Variants in VPS33B observed in about 807,000 individuals in gnomAD.
The protein encoded by VPS33B is VPS33B late endosome and lysosome associated, also known as vacuolar protein sorting-associated protein 33B.
In VPS33B, 80 loss-of-function variants were observed where a neutral mutation model predicts 95.3. The ratio of observed to expected loss-of-function variants is 0.84; its 90% confidence interval spans 0.70 to 1.01. The LOEUF (loss-of-function observed/expected upper bound fraction) is 1.01. Ranked by LOEUF, VPS33B falls within the 50% of genes least tolerant of loss-of-function variation. The pLI, the probability that VPS33B is intolerant of heterozygous loss-of-function variation, is 0.00. For missense variants in VPS33B, 715 were observed against 773.4 expected, an observed-to-expected ratio of 0.92 and a Z score of 0.90; for synonymous variants, 280 against 280.4, an observed-to-expected ratio of 1.00 and a Z score of 0.01.
chr15:91,007,608 CA>C lies in VPS33B; in HGVS notation c.499-36del, dbSNP rs1375319192. ...CCACACAAGCCACAAAGATATGAATCAACCCAGTAGGACCACCTGGAAAGTG... is the reference window on the plus strand; with the variant it reads ...CCACACAAGCCACAAAGATATGAATCACCCAGTAGGACCACCTGGAAAGTG... On this transcript the variant is annotated intron_variant, in intron 7 of 22. Coordinates refer to ENST00000333371, the MANE Select transcript of VPS33B (RefSeq NM_018668.5). The surrounding 1 kb of genome is among the most constrained non-coding windows in gnomAD (Gnocchi z 5.3). The C allele has an allele frequency of 6.2e-7, 1 of 1,608,758 alleles. No individual in the cohort carries two copies. Among genetic ancestry groups the C allele is most frequent in the Admixed American group, 1.7e-5 (1 of 60,008 alleles).
In VPS33B at chr15:91,010,253, C is replaced by A. The variant is rs1257168689; in HGVS notation, c.358-407G>T. ...TCTGTTTAGGACATGCCCACGGGAC[C>A]TTGGGAGACACAGACAAGGACTTGG... On this transcript the variant is annotated intron_variant, in intron 5 of 22. Coordinates refer to ENST00000333371, the MANE Select transcript of VPS33B (RefSeq NM_018668.5). This position sits in a 1 kb window ranked among gnomAD's most constrained non-coding sequence, Gnocchi z 5.7. Among the ~76,000 whole-genome samples the A allele has an allele frequency of 6.6e-6, 1 of 152,126 alleles. No individual in the cohort carries two copies. Among genetic ancestry groups the A allele is most frequent in the African/African-American group, 2.4e-5 (1 of 41,434 alleles).
Position 91,007,719 on chromosome 15 carries a change from G to A in VPS33B, c.499-146C>T. 1.7e-6 allele frequency: 2 copies of A among 1,172,592 alleles called. No individual in the cohort carries two copies. Among genetic ancestry groups the A allele is most frequent in the Non-Finnish European group, 2.6e-6 (2 of 783,412 alleles). The allele number at this position is 1,172,592 out of a possible 1,614,324, so 72.6% of individuals were successfully genotyped here. A position where few individuals can be genotyped will look rare whatever the true frequency, so the allele number is the denominator to read the frequency against. ...CATTGGCTCCACAGGAAGTCCCACA[G>A]AGACCAATCTGTAGCACTCAATCAC... On this transcript the variant is annotated intron_variant, in intron 7 of 22. Coordinates refer to ENST00000333371, the MANE Select transcript of VPS33B (RefSeq NM_018668.5). This position sits in a 1 kb window ranked among gnomAD's most constrained non-coding sequence, Gnocchi z 5.3.
Position 91,005,655 on chromosome 15 carries a change from A to G in VPS33B, c.1030+39T>C, listed in dbSNP as rs2040580425. Reference sequence around the variant, plus strand: ...CCTCTGGAGCTTTCCCCAGAGGGACACAGTCACTTCCCCTCACGCCCCTCA... The same window carrying G: ...CCTCTGGAGCTTTCCCCAGAGGGACGCAGTCACTTCCCCTCACGCCCCTCA... On this transcript the variant is annotated intron_variant, in intron 13 of 22. Coordinates refer to ENST00000333371, the MANE Select transcript of VPS33B (RefSeq NM_018668.5). This position sits in a 1 kb window ranked among gnomAD's most constrained non-coding sequence, Gnocchi z 6.4. The G allele has an allele frequency of 3.7e-6, 6 of 1,611,812 alleles. No homozygotes were observed. Among genetic ancestry groups the G allele is most frequent in the Non-Finnish European group, 4.2e-6 (5 of 1,177,892 alleles).
Position 91,013,507 on chromosome 15 carries a change from A to G in VPS33B, c.357+297T>C, listed in dbSNP as rs1200131953. Among the ~76,000 whole-genome samples, 1 of 152,134 alleles carries G rather than the reference A, an allele frequency of 6.6e-6. No individual in the cohort carries two copies. The highest frequency in any genetic ancestry group is 2.4e-5 in the African/African-American group (1 of 41,430). On this transcript the variant is annotated intron_variant, in intron 5 of 22. Transcript: ENST00000333371. This position sits in a 1 kb window ranked among gnomAD's most constrained non-coding sequence, Gnocchi z 4.5. ...GTCCTTATGGCAGGAGTGGGTTGCT[A>G]TAAGGCGAGTCCAGCCCCTGGGTGT...
Position 91,000,400 on chromosome 15 carries a change from TAAAAAA to T in VPS33B, c.1581+84_1581+89del. On this transcript the variant is annotated intron_variant, in intron 20 of 22. Coordinates refer to ENST00000333371, the MANE Select transcript of VPS33B (RefSeq NM_018668.5). The surrounding 1 kb of genome is among the most constrained non-coding windows in gnomAD (Gnocchi z 4.9). ...TGACAGAGCAAGACTCCATCTCAAA[TAAAAAA>T]AAAAAAACATTGAGACACGCCAGGG... 2.9e-6 allele frequency: 3 copies of T among 1,029,594 alleles called. No individual in the cohort carries two copies. Among genetic ancestry groups the T allele is most frequent in the Non-Finnish European group, 4.1e-6 (3 of 733,998 alleles). The allele number at this position is 1,029,594 out of a possible 1,614,324, so 63.8% of individuals were successfully genotyped here.
At position 91,015,291 on chromosome 15, in the gene VPS33B, G is replaced by A. The variant is rs538539326; in HGVS notation, c.240-858C>T. Among the ~76,000 whole-genome samples the A allele has an allele frequency of 3.3e-5, 5 of 152,094 alleles. No homozygotes were observed. Among genetic ancestry groups the A allele is most frequent in the African/African-American group, 4.8e-5 (2 of 41,466 alleles). ...GTGGAGGTTACAGTGAGCCCAGATC[G>A]CGCCATTGCTCTCCAGCCTGGATGA... On this transcript the variant is annotated intron_variant, in intron 3 of 22. Coordinates refer to ENST00000333371, the MANE Select transcript of VPS33B (RefSeq NM_018668.5). This position sits in a 1 kb window ranked among gnomAD's most constrained non-coding sequence, Gnocchi z 4.7.
At position 91,013,872 on chromosome 15, in the gene VPS33B, C is replaced by G; in HGVS notation, c.290-1G>C. The stretch of plus-strand genomic sequence containing the variant: ...GCCAATTTGTCAGCATTGACAAGAC[C>G]TACAGAGAGAAGGAATGCAGCCCAG... On this transcript the variant is annotated splice_acceptor_variant, in intron 4 of 22. Transcript: ENST00000333371. LOFTEE classifies it high-confidence loss of function. The surrounding 1 kb of genome is among the most constrained non-coding windows in gnomAD (Gnocchi z 4.5). 6.2e-7 allele frequency: 1 copy of G among 1,614,034 alleles called. No individual in the cohort carries two copies. The highest frequency in any genetic ancestry group is 8.5e-7 in the Non-Finnish European group (1 of 1,179,954).
chr15:91,013,778 C>A lies in VPS33B; in HGVS notation c.357+26G>T. ...GTCCTCAGTCCTGTTCTACCTTATC[C>A]CACTTCCTCCAGGATCCAAACTCAC... On this transcript the variant is annotated intron_variant, in intron 5 of 22. Coordinates refer to ENST00000333371, the MANE Select transcript of VPS33B (RefSeq NM_018668.5). This position sits in a 1 kb window ranked among gnomAD's most constrained non-coding sequence, Gnocchi z 4.5. 6.2e-7 allele frequency: 1 copy of A among 1,613,916 alleles called. No homozygotes were observed. The highest frequency in any genetic ancestry group is 8.5e-7 in the Non-Finnish European group (1 of 1,179,850).
At chr15:91,017,696 TA>T in intron 2 of VPS33B, 108 bp downstream of exon 2, 1 of 1,050,730 alleles carries the variant, frequency 9.5e-7, no homozygotes. Context: ...CCAATTAAGC[TA>T]CCCTATATTT....
rs1184158511 is a variant in VPS33B, at chr15:91,015,274, T to G, written c.240-841A>C. Among the ~76,000 whole-genome samples the G allele has an allele frequency of 6.6e-6, 1 of 151,764 alleles. No homozygotes were observed. Among genetic ancestry groups the G allele is most frequent in the East Asian group, 1.9e-4 (1 of 5,196 alleles). On this transcript the variant is annotated intron_variant, in intron 3 of 22. Transcript: ENST00000333371. This position sits in a 1 kb window ranked among gnomAD's most constrained non-coding sequence, Gnocchi z 4.7. The stretch of plus-strand genomic sequence containing the variant: ...TCGCTTGAACCCAGGAGGTGGAGGT[T>G]ACAGTGAGCCCAGATCGCGCCATTG...
rs2040849434 is a variant in VPS33B at position 91,013,926 on chromosome 15, A to C, written c.290-55T>G. 6 of 1,605,404 alleles carry C rather than the reference A, an allele frequency of 3.7e-6. No individual in the cohort carries two copies. The South Asian group carries it at 6.6e-5, about 18-fold the overall frequency. On this transcript the variant is annotated intron_variant, in intron 4 of 22. Transcript: ENST00000333371. This position sits in a 1 kb window ranked among gnomAD's most constrained non-coding sequence, Gnocchi z 4.5. ...GTCATGGGCCATCTGTTATGCTAGA[A>C]ACAGGGAAGCTGCCGGGCACAGTGG...
rs111471528 is a variant in VPS33B at position 91,007,747 on chromosome 15, C to A, written c.498+123G>T. 5.2e-6 allele frequency: 6 copies of A among 1,164,698 alleles called. No homozygotes were observed. The highest frequency in any genetic ancestry group is 1.5e-5 in the African/African-American group (1 of 66,322). 72.1% of individuals were successfully genotyped at this position (1,164,698 alleles called of 1,614,324 possible). ...ACCAATCTGTAGCACTCAATCACCA[C>A]ATCACTATCACTTGTGATAAATTAC... On this transcript the variant is annotated intron_variant, in intron 7 of 22. Transcript: ENST00000333371. The surrounding 1 kb of genome is among the most constrained non-coding windows in gnomAD (Gnocchi z 5.3).
At position 91,006,761 on chromosome 15, in the gene VPS33B, T is replaced by C. The variant is rs1160109041; in HGVS notation, c.701-32A>G. 6.2e-7 allele frequency: 1 copy of C among 1,613,722 alleles called. No individual in the cohort carries two copies. Among genetic ancestry groups the C allele is most frequent in the African/African-American group, 1.3e-5 (1 of 75,030 alleles). ...CAGAGATCCCTGACCATGAAGGTTC[T>C]CCCTGACCCAGCCTTCTACACAGCA... On this transcript the variant is annotated intron_variant, in intron 9 of 22. Coordinates refer to ENST00000333371, the MANE Select transcript of VPS33B (RefSeq NM_018668.5). This position sits in a 1 kb window ranked among gnomAD's most constrained non-coding sequence, Gnocchi z 5.4.
intron 1 of VPS33B, among the ~76,000 whole-genome samples, chr15:91,019,866 C>T (rs772365360): frequency 1.3e-5 from 2 of 151,108 alleles, no homozygotes; most frequent in Non-Finnish European, 2.9e-5. Context: ...AGTGCAATGA[C>T]GCGATCTCGG....
Position 91,006,136 on chromosome 15 carries a change from G to A in VPS33B, c.853-77C>T. Reference sequence around the variant, plus strand: ...GCAGTAGAATGACAGTACAGGAAGGGTACTCAGGTGTTCTGGCAGAAATAC... The same window carrying A: ...GCAGTAGAATGACAGTACAGGAAGGATACTCAGGTGTTCTGGCAGAAATAC... On this transcript the variant is annotated intron_variant, in intron 11 of 22. Coordinates refer to ENST00000333371, the MANE Select transcript of VPS33B (RefSeq NM_018668.5). The surrounding 1 kb of genome is among the most constrained non-coding windows in gnomAD (Gnocchi z 5.4). 3 of 1,516,456 alleles carry A rather than the reference G, an allele frequency of 2.0e-6. No homozygotes were observed. The highest frequency in any genetic ancestry group is 2.7e-6 in the Non-Finnish European group (3 of 1,098,550). The allele number at this position is 1,516,456 out of a possible 1,614,324, so 93.9% of individuals were successfully genotyped here. A position where few individuals can be genotyped will look rare whatever the true frequency, so the allele number is the denominator to read the frequency against.
chr15:91,005,698 A>G lies in VPS33B; in HGVS notation c.1026T>C (p.Ser342=), dbSNP rs1214004913. 6.2e-7 allele frequency: 1 copy of G among 1,614,002 alleles called. No homozygotes were observed. The highest frequency in any genetic ancestry group is 2.2e-5 in the East Asian group (1 of 44,878). The change falls in exon 13 of 23, where the codon AGT becomes AGC. Residue 342 remains serine (S), a synonymous_variant. Coordinates refer to ENST00000333371, the MANE Select transcript of VPS33B (RefSeq NM_018668.5). The surrounding 1 kb of genome is among the most constrained non-coding windows in gnomAD (Gnocchi z 6.4). ...KGLKQEHRLL[S]LHIGACESIM... ...GCCCCTCAAGCTGAAACCTACGGAGACTCAGCAGGCGGTGCTCCTGTTTCA... is the reference window on the plus strand; with the variant it reads ...GCCCCTCAAGCTGAAACCTACGGAGGCTCAGCAGGCGGTGCTCCTGTTTCA...
At position 91,007,514 on chromosome 15, in the gene VPS33B, G is replaced by A; in HGVS notation, c.558C>T (p.Leu186=). Residue 186 remains leucine, a synonymous_variant, in exon 8 of 23, where the codon CTC becomes CTT. Transcript: ENST00000333371. This position sits in a 1 kb window ranked among gnomAD's most constrained non-coding sequence, Gnocchi z 5.3. ...CATAGCAGTTTGGAAAGGGTCCATA[G>A]AGAGTGCTGAGAAGGTGTAAGGCCT... ...VAQALHLLST[L]YGPFPNCYGI... 2 of 1,614,224 alleles carry A rather than the reference G, an allele frequency of 1.2e-6. No homozygotes were observed. The highest frequency in any genetic ancestry group is 1.1e-5 in the South Asian group (1 of 91,086).
chr15:91,019,809 A>T (rs907791845), intron 1 of VPS33B, among the ~76,000 whole-genome samples: 3 of 148,160 alleles, frequency 2.0e-5, no homozygotes, highest in South Asian at 2.1e-4. Context: ...GTGTAATATA[A>T]TTTTTTTTTT....
rs765002211 is a variant in VPS33B at position 91,005,710 on chromosome 15, G to A, written c.1014C>T (p.His338=). ...SQELKGLKQE[H]RLLSLHIGAC... is the part of the protein sequence containing the mutation. ...GAAACCTACGGAGACTCAGCAGGCG[G>A]TGCTCCTGTTTCAGGCCCTTGAGCT... The change falls in exon 13 of 23, where the codon CAC becomes CAT. Residue 338 remains histidine, a synonymous_variant. Coordinates refer to ENST00000333371, the MANE Select transcript of VPS33B (RefSeq NM_018668.5). The surrounding 1 kb of genome is among the most constrained non-coding windows in gnomAD (Gnocchi z 6.4). 43 of 1,614,102 alleles carry A rather than the reference G, an allele frequency of 2.7e-5. No homozygotes were observed. Among genetic ancestry groups the A allele is most frequent in the Non-Finnish European group, 3.4e-5 (40 of 1,180,020 alleles).
Sources: allele counts gnomAD v4.1 joint callset (sites outside exome capture counted in the v4.1 genomes callset), GRCh38; gene constraint gnomAD v4.1.1; non-coding constraint Gnocchi (gnomAD v3.1); transcripts MANE v1.5; gene names NCBI Gene and HGNC (gene_info 2026-07-23, HGNC 2026-07-21).